CD163: variants seen among roughly 807,000 people sequenced by gnomAD.
The protein encoded by CD163 is scavenger receptor cysteine-rich type 1 protein M130.
A neutral mutation model predicts 129.2 loss-of-function variants in CD163; 64 were observed. That is an observed-to-expected ratio of 0.50 (90% CI 0.41 to 0.61). CD163 has a LOEUF of 0.61. Ranked by LOEUF, CD163 falls within the 20% of genes least tolerant of loss-of-function variation. CD163 has a pLI of 0.00. For missense variants in CD163, 1,061 were observed against 1,377.9 expected (o/e 0.77, Z 3.64); for synonymous variants, 446 against 478.5 (o/e 0.93, Z 0.89).
intron 6 of CD163, among the ~76,000 whole-genome samples, chr12:7,489,377 T>C (rs1949298285): frequency 6.6e-6 from 1 of 152,160 alleles, no homozygotes; most frequent in African/African-American, 2.4e-5. Flanking sequence ...TATAAATATA[T>C]TAATAAATTT....
At chr12:7,473,810 C>T (rs755562322) in intron 16 of CD163, among the ~76,000 whole-genome samples, 17 of 152,106 alleles carry the variant, frequency 1.1e-4, no homozygotes, top group East Asian at 3.9e-4. Context: ...GATCCATCGG[C>T]GTGCTGTATT....
chr12:7,472,567 A>G (rs1207218305), intron 16 of CD163, among the ~76,000 whole-genome samples: 1 of 152,230 alleles, frequency 6.6e-6, no homozygotes, highest in Non-Finnish European at 1.5e-5. Flanking sequence ...ACCCCAACAA[A>G]GGTCATCAGC....
intron 12 of CD163, 154 bp from the exon 13 acceptor site, chr12:7,483,158 C>G (rs1359474194): frequency 2.8e-5 from 24 of 846,270 alleles, no homozygotes; most frequent in Admixed American, 1.0e-4. Context: ...TTTCTCTGCA[C>G]AGGGAATATA....
intron 6 of CD163, among the ~76,000 whole-genome samples, chr12:7,494,414 T>C (rs2136726353): frequency 6.6e-6 from 1 of 152,312 alleles, no homozygotes; most frequent in South Asian, 2.1e-4. Context: ...TGGAGCCATA[T>C]TGTTGGTTAG....
intron 2 of CD163, among the ~76,000 whole-genome samples, chr12:7,501,974 ATATTTTCTGC>A (rs1225367734): frequency 6.6e-6 from 1 of 152,174 alleles, no homozygotes. Context: ...TAAGATGGAG[ATATTTTCTGC>A]TATTTTCTAC....
intron 2 of CD163, 40 bp downstream of exon 2, chr12:7,502,438 A>T: frequency 7.9e-7 from 1 of 1,272,772 alleles, no homozygotes; most frequent in Non-Finnish European, 1.2e-6. Context: ...TTCTTGTCAG[A>T]GTGGGCTAAG....
rs1949262467 is a variant in CD163, at chr12:7,487,138, A to G, written c.2051-152T>C. ...TTTGAAATAAATCAGGTGCTTTGAG[A>G]TGGGCTTGGCACATAGTAAGCACTG... On this transcript the variant is annotated intron_variant, in intron 8 of 16. Coordinates refer to ENST00000432237, the MANE Select transcript of CD163 (RefSeq NM_203416.4). The surrounding 1 kb of genome is among the most constrained non-coding windows in gnomAD (Gnocchi z 5.1). 1.2e-6 allele frequency: 1 copy of G among 817,148 alleles called. No individual in the cohort carries two copies. Among genetic ancestry groups the G allele is most frequent in the Admixed American group, 2.8e-5 (1 of 35,768 alleles). 50.6% of individuals were successfully genotyped at this position (817,148 alleles called of 1,614,324 possible).
chr12:7,492,006 T>A (rs1949332452), intron 6 of CD163, among the ~76,000 whole-genome samples: 1 of 152,152 alleles, frequency 6.6e-6, no homozygotes, highest in African/African-American at 2.4e-5. Context: ...TTTAAACAGA[T>A]GATCAAATTC....
At chr12:7,492,113 A>G (rs187173106) in intron 6 of CD163, among the ~76,000 whole-genome samples, 46 of 152,290 alleles carry the variant, frequency 3.0e-4, no homozygotes, top group African/African-American at 1.1e-3. Flanking sequence ...AAACAAAAGT[A>G]CAAACTATAT....
intron 6 of CD163, among the ~76,000 whole-genome samples, chr12:7,494,690 G>T (rs932001941): frequency 2.0e-5 from 3 of 151,768 alleles, no homozygotes; most frequent in Non-Finnish European, 2.9e-5. Context: ...ATATTCACAG[G>T]TTTTCCAAAA....
chr12:7,489,053 G>A (rs1455140445), intron 6 of CD163, among the ~76,000 whole-genome samples: 1 of 152,116 alleles, frequency 6.6e-6, no homozygotes, highest in Admixed American at 6.6e-5. Context: ...TTTACAGACA[G>A]GGAATCTGAA....
intron 16 of CD163, among the ~76,000 whole-genome samples, chr12:7,476,414 G>A (rs1383501255): frequency 2.0e-5 from 3 of 152,070 alleles, no homozygotes; most frequent in African/African-American, 7.2e-5. Flanking sequence ...ACAGGACAGA[G>A]GCCTCAGAAG....
chr12:7,493,892 T>A (rs1565405944), intron 6 of CD163, among the ~76,000 whole-genome samples: 1 of 151,936 alleles, frequency 6.6e-6, no homozygotes, highest in African/African-American at 2.4e-5. Flanking sequence ...AGGTAAAAAA[T>A]TAAAAGAATA....
intron 16 of CD163, among the ~76,000 whole-genome samples, chr12:7,475,858 C>A (rs12302889): frequency 6.6e-6 from 1 of 152,146 alleles, no homozygotes; most frequent in East Asian, 1.9e-4. Flanking sequence ...AGCCGAAAAA[C>A]TCCTTAAGCA....
Position 7,495,340 on chromosome 12 carries a change from C to T in CD163, c.1161G>A (p.Glu387=). ...GGGSRCAGTV[E]VEIQRLLGKV... ...TCCCTAACAGTCTCTGAATCTCCAC[C>T]TCAACTGTCCCAGCACAGCGGCTGC... Residue 387 remains glutamate, a synonymous_variant, in exon 6 of 17, where the codon GAG becomes GAA. Transcript: ENST00000432237. 1 of 1,614,160 alleles carries T rather than the reference C, an allele frequency of 6.2e-7. No individual in the cohort carries two copies. The highest frequency in any genetic ancestry group is 8.5e-7 in the Non-Finnish European group (1 of 1,180,000).
intron 1 of CD163, 167 bp from the exon 2 acceptor site, chr12:7,502,731 T>A (rs1476407279): frequency 1.5e-6 from 1 of 646,026 alleles, no homozygotes; most frequent in East Asian, 2.7e-5. Flanking sequence ...GCTCATATAG[T>A]TTCAGTGAAA....
intron 3 of CD163, among the ~76,000 whole-genome samples, chr12:7,500,644 A>T (rs1372298974): frequency 6.6e-6 from 1 of 152,178 alleles, no homozygotes; most frequent in South Asian, 2.1e-4. Context: ...CTGGTCAAGC[A>T]ATTATACTTT....
chr12:7,471,068 A>G lies in CD163; in HGVS notation c.*361T>C, dbSNP rs780312753. 6.6e-6 allele frequency: 1 copy of G among 152,296 alleles called. No homozygotes were observed. Among genetic ancestry groups the G allele is most frequent in the East Asian group, 1.9e-4 (1 of 5,192 alleles). The allele number at this position is 152,296 out of a possible 1,614,324, so 9.4% of individuals were successfully genotyped here. A position where few individuals can be genotyped will look rare whatever the true frequency, so the allele number is the denominator to read the frequency against. On this transcript the variant is annotated 3_prime_UTR_variant, in exon 17 of 17. Transcript: ENST00000432237. ...CAGTACTGTATATGCAAATTGAAAC[A>G]CTGTCAAATAAAACACATTATAATA...
Position 7,485,314 on chromosome 12 carries a change from C to T in CD163, c.2561G>A (p.Ser854Asn), listed in dbSNP as rs1565401349. The T allele has an allele frequency of 1.1e-5, 18 of 1,614,230 alleles. No individual in the cohort carries two copies. The highest frequency in any genetic ancestry group is 1.5e-5 in the Non-Finnish European group (18 of 1,180,034). Residue 854 changes from serine (S) to asparagine (N), a missense_variant, in exon 11 of 17, where the codon AGC becomes AAC. Coordinates refer to ENST00000432237, the MANE Select transcript of CD163 (RefSeq NM_203416.4). The surrounding 1 kb of genome is among the most constrained non-coding windows in gnomAD (Gnocchi z 4.5). ...NGAWGTVGKS[S>N]MSETTVGVVC... is the part of the protein sequence containing the mutation. ...CACACCCACAGTGGTTTCAGACATG[C>T]TACTCTTGCCAACAGTGCCCCAAGC...
Sources: gnomAD v4.1 joint callset for allele counts (sites outside exome capture counted in the v4.1 genomes callset) on GRCh38, gnomAD v4.1.1 for gene constraint, Gnocchi (gnomAD v3.1) non-coding constraint, MANE v1.5 for transcripts, NCBI Gene and HGNC (gene_info 2026-07-23, HGNC 2026-07-21) for gene names.